The following NRF1 variants were observed in gnomAD, a reference collection of about 807,000 sequenced individuals.
NRF1 encodes nuclear respiratory factor 1, also known as alpha palindromic-binding protein.
In NRF1, 5 loss-of-function variants were observed where a neutral mutation model predicts 58.5. The ratio of observed to expected loss-of-function variants is 0.09; its 90% CI spans 0.04 to 0.18. The LOEUF (loss-of-function observed/expected upper bound fraction) is 0.18, where lower values mean the gene tolerates loss of function less well. Among genes scored for constraint, NRF1 ranks in the 10% least tolerant of loss-of-function variants. The pLI, the probability that NRF1 is intolerant of heterozygous loss-of-function variation, is 1.00. For missense variants in NRF1, 288 were observed against 657.7 expected, an observed-to-expected ratio of 0.44 and a Z score of 6.15; for synonymous variants, 224 against 246.7, an observed-to-expected ratio of 0.91 and a Z score of 0.86.
At chr7:129,705,571 G>A (rs984805642) in intron 5 of NRF1, among the ~76,000 whole-genome samples, 9 of 152,132 alleles carry the variant, frequency 5.9e-5, no homozygotes, top group South Asian at 2.1e-4. Context: ...GATTACAGGC[G>A]TGAGCCACCA....
At chr7:129,635,020 A>G (rs538682053) in intron 1 of NRF1, among the ~76,000 whole-genome samples, 1 of 151,978 alleles carries the variant, frequency 6.6e-6, no homozygotes, top group East Asian at 1.9e-4. Flanking sequence ...TTGCTTTACC[A>G]GTTCTGCTTT....
At chr7:129,673,076 T>C (rs1392225121) in intron 3 of NRF1, among the ~76,000 whole-genome samples, 1 of 152,130 alleles carries the variant, frequency 6.6e-6, no homozygotes, top group Non-Finnish European at 1.5e-5. Context: ...ACAAAAAGTG[T>C]GTCAGGAAGG....
chr7:129,665,986 TAAA>T (rs1801913053), intron 2 of NRF1, among the ~76,000 whole-genome samples: 1 of 152,222 alleles, frequency 6.6e-6, no homozygotes, highest in African/African-American at 2.4e-5. Flanking sequence ...GATAGGTTAA[TAAA>T]GAAGTGGAGA....
intron 3 of NRF1, among the ~76,000 whole-genome samples, chr7:129,674,119 C>T (rs1052312459): frequency 2.6e-5 from 4 of 151,624 alleles, no homozygotes; most frequent in Non-Finnish European, 5.9e-5. Flanking sequence ...TTAGCCTAGG[C>T]GACAGAGTGA....
chr7:129,649,697 CAG>C (rs35298794), intron 1 of NRF1, among the ~76,000 whole-genome samples: 66,447 of 151,796 alleles, frequency 0.44, 16,267 homozygotes, highest in East Asian at 0.67. Context: ...TCTTCTGTAC[CAG>C]AGAGTACCCC....
chr7:129,630,331 A>G (rs1801019695), intron 1 of NRF1, among the ~76,000 whole-genome samples: 1 of 152,220 alleles, frequency 6.6e-6, no homozygotes, highest in South Asian at 2.1e-4. Flanking sequence ...TTACAGAGCT[A>G]ACAGTCTGAG....
rs901484615 is a variant in NRF1 at position 129,655,104 on chromosome 7, A to G, written c.-6-2242A>G. The stretch of plus-strand genomic sequence containing the variant: ...GCATGAACATGGAATATCTCTCTCT[A>G]TTTAGTTTTTATTTGATTATTTTCA... On this transcript the variant is annotated intron_variant, in intron 1 of 10. Coordinates refer to ENST00000393232, the MANE Select transcript of NRF1 (RefSeq NM_005011.5). 7.2e-5 allele frequency among the ~76,000 whole-genome samples: 11 copies of G among 151,956 alleles called. No individual in the cohort carries two copies. The East Asian group carries it at 2.1e-3, about 29-fold the overall frequency.
intron 2 of NRF1, among the ~76,000 whole-genome samples, chr7:129,661,567 A>G (rs1222405349): frequency 4.0e-5 from 6 of 150,956 alleles, no homozygotes; most frequent in Non-Finnish European, 8.8e-5. Context: ...AAATGCCACC[A>G]GTCTCTTTGC....
intron 10 of NRF1, among the ~76,000 whole-genome samples, chr7:129,754,396 G>A (rs113096092): frequency 0.66 from 97,912 of 147,592 alleles, 33,028 homozygotes; most frequent in East Asian, 0.73. Flanking sequence ...CCAGGAGTTC[G>A]AGGTTGCAGT....
At chr7:129,752,904 C>T (rs1425501137) in intron 10 of NRF1, among the ~76,000 whole-genome samples, 1 of 152,286 alleles carries the variant, frequency 6.6e-6, no homozygotes, top group East Asian at 1.9e-4. Flanking sequence ...CTCTCCTCCT[C>T]CTTTCAGGCC....
chr7:129,696,706 A>G (rs929962737), intron 5 of NRF1, among the ~76,000 whole-genome samples: 2 of 152,236 alleles, frequency 1.3e-5, no homozygotes. Context: ...AGATAACTTG[A>G]TATTGATGAC....
chr7:129,677,916 A>G (rs1004097716), intron 4 of NRF1, among the ~76,000 whole-genome samples, 158 bp downstream of exon 4: 1 of 152,014 alleles, frequency 6.6e-6, no homozygotes, highest in African/African-American at 2.4e-5. Context: ...ATGCATATCA[A>G]AACAAAATGA....
chr7:129,629,306 C>T (rs1210346216), intron 1 of NRF1, among the ~76,000 whole-genome samples: 2 of 146,940 alleles, frequency 1.4e-5, no homozygotes, highest in African/African-American at 2.5e-5. Context: ...GAGATGGAGT[C>T]TTGCTCTTGT....
At chr7:129,703,982 T>C (rs1038573088) in intron 5 of NRF1, among the ~76,000 whole-genome samples, 1 of 152,168 alleles carries the variant, frequency 6.6e-6, no homozygotes, top group Non-Finnish European at 1.5e-5. Context: ...CAGTTCTGTC[T>C]TTCCTCTAAT....
intron 4 of NRF1, among the ~76,000 whole-genome samples, chr7:129,684,532 C>T (rs932894033): frequency 2.6e-5 from 4 of 152,150 alleles, no homozygotes; most frequent in Non-Finnish European, 5.9e-5. Flanking sequence ...CTACATCCCT[C>T]AAAGAGACCC....
chr7:129,674,734 CA>C (rs2097088819), intron 3 of NRF1, among the ~76,000 whole-genome samples: 1 of 152,128 alleles, frequency 6.6e-6, no homozygotes, highest in African/African-American at 2.4e-5. Context: ...TGGGCCTGAC[CA>C]CTAAAACACT....
chr7:129,748,213 T>C (rs919194596), intron 10 of NRF1, among the ~76,000 whole-genome samples: 10 of 130,962 alleles, frequency 7.6e-5, no homozygotes, highest in Non-Finnish European at 1.4e-4. Context: ...AGGCAGAGGC[T>C]GCAGTGAGCC....
intron 1 of NRF1, among the ~76,000 whole-genome samples, chr7:129,644,823 T>G (rs1454113081): frequency 6.6e-6 from 1 of 152,194 alleles, no homozygotes; most frequent in Non-Finnish European, 1.5e-5. Context: ...TGTGGCACCC[T>G]CTAGTGTTCT....
chr7:129,740,071 C>G (rs987783569), intron 10 of NRF1, among the ~76,000 whole-genome samples: 3 of 152,180 alleles, frequency 2.0e-5, no homozygotes, highest in Admixed American at 6.5e-5. Flanking sequence ...GGTGATTCTT[C>G]ACTTCTCAAA....
Sources: allele counts gnomAD v4.1 joint callset (sites outside exome capture counted in the v4.1 genomes callset), GRCh38; gene constraint gnomAD v4.1.1; transcripts MANE v1.5; gene names NCBI Gene and HGNC (gene_info 2026-07-23, HGNC 2026-07-21).